The following LY6G6D variants were observed in gnomAD, a reference collection of about 807,000 sequenced individuals.
LY6G6D encodes the protein lymphocyte antigen 6 complex locus protein G6d.
A neutral mutation model predicts 8.5 loss-of-function variants in LY6G6D; 5 were observed. The ratio of observed to expected loss-of-function variants is 0.59; its 90% CI spans 0.31 to 1.24. The LOEUF (loss-of-function observed/expected upper bound fraction) is 1.24. Among genes scored for constraint, LY6G6D ranks in the 50% most tolerant of loss-of-function variants. LY6G6D has a pLI of 0.07. For missense variants in LY6G6D, 154 were observed against 170.4 expected (o/e 0.90, Z 0.53); for synonymous variants, 65 against 69.6 (o/e 0.93, Z 0.33).
chr6:31,715,491 T>C lies in LY6G6D; in HGVS notation c.56-11T>C. 1 of 1,611,488 alleles carries C rather than the reference T, an allele frequency of 6.2e-7. No individual in the cohort carries two copies. The highest frequency in any genetic ancestry group is 1.1e-5 in the South Asian group (1 of 91,052). On this transcript the variant is annotated splice_polypyrimidine_tract_variant and intron_variant, in intron 1 of 2. Transcript: ENST00000375825. ...GAGGGCCCAGGTCCAGCGCCTCTTT[T>C]CTCCTGCCAGGAAACCGAATGCGGT...
In LY6G6D at chr6:31,715,366, A is replaced by G. The variant is rs922728241; in HGVS notation, c.11A>G (p.Gln4Arg). MKP[Q>R]FVGILLSSLL... is the part of the protein sequence containing the mutation. ...CACGGGCAGACTGCGATGAAACCCC[A>G]GTTTGTTGGGATCTTGCTCAGCTCC... Residue 4 changes from glutamine to arginine, a missense_variant, in exon 1 of 3, where the codon CAG becomes CGG. Transcript: ENST00000375825. 6.2e-7 allele frequency: 1 copy of G among 1,600,560 alleles called. No individual in the cohort carries two copies. The highest frequency in any genetic ancestry group is 1.7e-5 in the Admixed American group (1 of 58,948).
rs769646744 is a variant in LY6G6D, at chr6:31,715,625, G to A, written c.178+1G>A. ...GAACAGATCAAGCTACCTGGAAACC[G>A]TGAGTCCTCAGTTTCTCCCTCTTCC... On this transcript the variant is annotated splice_donor_variant, in intron 2 of 2. Coordinates refer to ENST00000375825, the MANE Select transcript of LY6G6D (RefSeq NM_021246.4). LOFTEE classifies it high-confidence loss of function. 3 of 1,612,118 alleles carry A rather than the reference G, an allele frequency of 1.9e-6. No individual in the cohort carries two copies. The highest frequency in any genetic ancestry group is 3.3e-5 in the Admixed American group (2 of 60,014).
intron 2 of LY6G6D, 30 bp downstream of exon 2, chr6:31,715,654 A>G: frequency 6.2e-7 from 1 of 1,606,894 alleles, no homozygotes; most frequent in Non-Finnish European, 8.5e-7. Context: ...CTCTTCCAGC[A>G]GCCTTTCCCT....
rs777717016 is a variant in LY6G6D at position 31,716,428 on chromosome 6, AAAAC to A, written c.178+826_178+829del. Among the ~76,000 whole-genome samples, 31 of 152,082 alleles carry A rather than the reference AAAAC, an allele frequency of 2.0e-4. No individual in the cohort carries two copies. In the East Asian group the frequency reaches 2.5e-3, roughly 12 times the overall value. On this transcript the variant is annotated intron_variant, in intron 2 of 2. Coordinates refer to ENST00000375825, the MANE Select transcript of LY6G6D (RefSeq NM_021246.4). This position sits in a 1 kb window ranked among gnomAD's most constrained non-coding sequence, Gnocchi z 5.1. ...ACATAGGGAGACCCTGTCTCTACAAAAAACAAACAAACAAACAAACAAACAGATT... is the reference window on the plus strand; with the variant it reads ...ACATAGGGAGACCCTGTCTCTACAAAAAACAAACAAACAAACAAACAGATT...
rs187312719 is a variant in LY6G6D at position 31,717,080 on chromosome 6, G to A, written c.179-501G>A. On this transcript the variant is annotated intron_variant, in intron 2 of 2. Coordinates refer to ENST00000375825, the MANE Select transcript of LY6G6D (RefSeq NM_021246.4). The surrounding 1 kb of genome is among the most constrained non-coding windows in gnomAD (Gnocchi z 5.0). The stretch of plus-strand genomic sequence containing the variant: ...AGCCTGATCAATGTGGAGAAATCTC[G>A]TCTCTACTAAAAATACAAAATTAGC... Among the ~76,000 whole-genome samples, 53 of 152,082 alleles carry A rather than the reference G, an allele frequency of 3.5e-4. No individual in the cohort carries two copies. The highest frequency in any genetic ancestry group is 4.7e-4 in the Non-Finnish European group (32 of 67,990).
At position 31,715,546 on chromosome 6, in the gene LY6G6D, T is replaced by G. The variant is rs9267550; in HGVS notation, c.100T>G (p.Ser34Ala). The change falls in exon 2 of 3, where the codon TCT (serine) becomes GCT (alanine). Residue 34 changes from serine (S) to alanine (A), a missense_variant. Ser to Ala is a moderately conservative substitution (Grantham distance 99, BLOSUM62 1). Transcript: ENST00000375825. ...CAACTGTGGTGGAAGCCCCAGCAGT[T>G]CTTGCAAAGAGGCCGTGACCACCTG... Reference protein sequence around the residue: ...CYNCGGSPSSSCKEAVTTCGE... With the variant: ...CYNCGGSPSSACKEAVTTCGE... 6.2e-7 allele frequency: 1 copy of G among 1,612,998 alleles called. No individual in the cohort carries two copies. Among genetic ancestry groups the G allele is most frequent in the South Asian group, 1.1e-5 (1 of 91,082 alleles).
chr6:31,715,926 G>T (rs1363673963), intron 2 of LY6G6D, among the ~76,000 whole-genome samples: 3 of 150,388 alleles, frequency 2.0e-5, no homozygotes, highest in African/African-American at 4.9e-5. Context: ...TCAAATTTTC[G>T]GCATTAGTTA....
Position 31,717,406 on chromosome 6 carries a change from A to G in LY6G6D, c.179-175A>G, listed in dbSNP as rs1806508190. 2 of 1,516,158 alleles carry G rather than the reference A, an allele frequency of 1.3e-6. No individual in the cohort carries two copies. The highest frequency in any genetic ancestry group is 8.9e-7 in the Non-Finnish European group (1 of 1,121,446). 93.9% of individuals were successfully genotyped at this position (1,516,158 alleles called of 1,614,324 possible). On this transcript the variant is annotated intron_variant, in intron 2 of 2. Transcript: ENST00000375825. The surrounding 1 kb of genome is among the most constrained non-coding windows in gnomAD (Gnocchi z 5.0). Reference sequence around the variant, plus strand: ...AGTGATGTTGCATCCTTCTTGCTGCATCACATCAGGAGTTTACAAGGTCAA... The same window carrying G: ...AGTGATGTTGCATCCTTCTTGCTGCGTCACATCAGGAGTTTACAAGGTCAA...
chr6:31,717,638 A>C lies in LY6G6D; in HGVS notation c.236A>C (p.Gln79Pro), dbSNP rs747687942. The change falls in exon 3 of 3, where the codon CAA becomes CCA. Residue 79 changes from glutamine (Q) to proline (P), a missense_variant. Physicochemically the swap from Gln to Pro is moderately conservative, Grantham distance 76 (BLOSUM62 -1). Transcript: ENST00000375825. The surrounding 1 kb of genome is among the most constrained non-coding windows in gnomAD (Gnocchi z 5.0). Reference protein sequence around the residue: ...PACVAAHHCNQVETESVGDVT... With the variant: ...PACVAAHHCNPVETESVGDVT... The stretch of plus-strand genomic sequence containing the variant: ...TGCGTCGCAGCCCATCATTGCAATC[A>C]AGTGGAGACAGAGTCGGTGGGAGAC... 6.2e-7 allele frequency: 1 copy of C among 1,614,160 alleles called. No homozygotes were observed. Among genetic ancestry groups the C allele is most frequent in the Non-Finnish European group, 8.5e-7 (1 of 1,180,030 alleles).
At chr6:31,715,438 C>A (rs149949042) in intron 1 of LY6G6D, 28 bp downstream of exon 1, 9 of 1,605,906 alleles carry the variant, frequency 5.6e-6, no homozygotes, top group Non-Finnish European at 7.7e-6. Context: ...TAGCTTCTCA[C>A]ACAGGCCTTC....
Position 31,717,288 on chromosome 6 carries a change from A to G in LY6G6D, c.179-293A>G, listed in dbSNP as rs1806502503. ...AAATTACAGATACTTGAAATACTAA[A>G]AATTATTTTATAGAATGTCCCTCGA... On this transcript the variant is annotated intron_variant, in intron 2 of 2. Coordinates refer to ENST00000375825, the MANE Select transcript of LY6G6D (RefSeq NM_021246.4). This position sits in a 1 kb window ranked among gnomAD's most constrained non-coding sequence, Gnocchi z 5.0. 6.6e-6 allele frequency among the ~76,000 whole-genome samples: 1 copy of G among 152,180 alleles called. No homozygotes were observed. The highest frequency in any genetic ancestry group is 1.5e-5 in the Non-Finnish European group (1 of 68,028).
Position 31,715,551 on chromosome 6 carries a change from C to A in LY6G6D, c.105C>A (p.Cys35Ter). The change falls in exon 2 of 3, where the codon TGC becomes TGA. Residue 35 changes from cysteine to a stop codon, truncating the protein, a stop_gained. Transcript: ENST00000375825. LOFTEE classifies it high-confidence loss of function. ...YNCGGSPSSSCKEAVTTCGEG... is the reference protein window; with the variant it reads ...YNCGGSPSSS ...GTGGTGGAAGCCCCAGCAGTTCTTG[C>A]AAAGAGGCCGTGACCACCTGTGGCG... 1 of 1,613,066 alleles carries A rather than the reference C, an allele frequency of 6.2e-7. No individual in the cohort carries two copies. The highest frequency in any genetic ancestry group is 8.5e-7 in the Non-Finnish European group (1 of 1,180,026).
rs778524627 is a variant in LY6G6D at position 31,717,755 on chromosome 6, C to T, written c.353C>T (p.Ala118Val). Residue 118 changes from alanine (A) to valine (V), a missense_variant, in exon 3 of 3, where the codon GCA (alanine) becomes GTA (valine). Ala to Val is a moderately conservative substitution (Grantham distance 64, BLOSUM62 0). Coordinates refer to ENST00000375825, the MANE Select transcript of LY6G6D (RefSeq NM_021246.4). The surrounding 1 kb of genome is among the most constrained non-coding windows in gnomAD (Gnocchi z 5.0). ...SHVAPAGILA[A>V]AATALTCLLP... Reference sequence around the variant, plus strand: ...GTGGCCCCTGCAGGCATTTTGGCTGCAGCAGCTACCGCCCTGACCTGTCTC... The same window carrying T: ...GTGGCCCCTGCAGGCATTTTGGCTGTAGCAGCTACCGCCCTGACCTGTCTC... 2.0e-5 allele frequency: 32 copies of T among 1,613,926 alleles called. No individual in the cohort carries two copies. Among genetic ancestry groups the T allele is most frequent in the Non-Finnish European group, 2.7e-5 (32 of 1,180,042 alleles).
At position 31,717,804 on chromosome 6, in the gene LY6G6D, G is replaced by C. The variant is rs1202578160; in HGVS notation, c.402G>C (p.Ter134TyrextTer3). 6.2e-7 allele frequency: 1 copy of C among 1,608,356 alleles called. No individual in the cohort carries two copies. Among genetic ancestry groups the C allele is most frequent in the East Asian group, 2.2e-5 (1 of 44,830 alleles). The change falls in exon 3 of 3, where the codon TAG becomes TAC. Residue 134 changes from the stop codon to tyrosine, a stop_lost. Coordinates refer to ENST00000375825, the MANE Select transcript of LY6G6D (RefSeq NM_021246.4). This position sits in a 1 kb window ranked among gnomAD's most constrained non-coding sequence, Gnocchi z 5.0. Reference sequence around the variant, plus strand: ...TCTTGCCAGGACTGTGGAGCGGATAGGGGGAGTAGGAGTAGAGAAGGGAAC... The same window carrying C: ...TCTTGCCAGGACTGTGGAGCGGATACGGGGAGTAGGAGTAGAGAAGGGAAC... ...TCLLPGLWSG[*>Y]
In LY6G6D at chr6:31,716,378, C is replaced by T. The variant is rs1489311569; in HGVS notation, c.178+754C>T. On this transcript the variant is annotated intron_variant, in intron 2 of 2. Transcript: ENST00000375825. The surrounding 1 kb of genome is among the most constrained non-coding windows in gnomAD (Gnocchi z 5.1). ...GCCAAGGTGGGAGGACCACTTGAGC[C>T]CAAGAGTTGAGACCAGCCTGGGCAA... Among the ~76,000 whole-genome samples the T allele has an allele frequency of 4.0e-5, 6 of 151,590 alleles. No individual in the cohort carries two copies. The East Asian group carries it at 9.7e-4, about 25-fold the overall frequency.
chr6:31,715,760 G>A lies in LY6G6D; in HGVS notation c.178+136G>A, dbSNP rs370849373. On this transcript the variant is annotated intron_variant, in intron 2 of 2. Transcript: ENST00000375825. ...TGCAGCTGTTAGAGGAGAGCAGTCTGTACCCCTTCTGGCTCCTGGCACGGA... is the reference window on the plus strand; with the variant it reads ...TGCAGCTGTTAGAGGAGAGCAGTCTATACCCCTTCTGGCTCCTGGCACGGA... 1.6e-4 allele frequency: 218 copies of A among 1,338,558 alleles called. 3 individuals carry two copies. Among genetic ancestry groups the A allele is most frequent in the Middle Eastern group, 1.6e-3 (7 of 4,338 alleles). 82.9% of individuals were successfully genotyped at this position (1,338,558 alleles called of 1,614,324 possible).
Position 31,717,452 on chromosome 6 carries a change from G to A in LY6G6D, c.179-129G>A. 6.2e-7 allele frequency: 1 copy of A among 1,604,882 alleles called. No homozygotes were observed. Among genetic ancestry groups the A allele is most frequent in the Non-Finnish European group, 8.5e-7 (1 of 1,175,298 alleles). ...GTCAATGCATTAACTTTGATCACTT[G>A]GTTTCAGGGAGGTGTTTTTTGAGGG... On this transcript the variant is annotated intron_variant, in intron 2 of 2. Coordinates refer to ENST00000375825, the MANE Select transcript of LY6G6D (RefSeq NM_021246.4). This position sits in a 1 kb window ranked among gnomAD's most constrained non-coding sequence, Gnocchi z 5.0.
chr6:31,715,449 T>G (rs747616022), intron 1 of LY6G6D, 39 bp downstream of exon 1: 6 of 1,605,910 alleles, frequency 3.7e-6, no homozygotes, highest in Non-Finnish European at 5.1e-6. Flanking sequence ...ACAGGCCTTC[T>G]GCCAGCCGGC....
At chr6:31,715,756 G>A in intron 2 of LY6G6D, 132 bp downstream of exon 2, 1 of 1,356,120 alleles carries the variant, frequency 7.4e-7, no homozygotes, top group East Asian at 2.6e-5. Flanking sequence ...GAGGAGAGCA[G>A]TCTGTACCCC....
Sources: gnomAD v4.1 joint callset for allele counts (sites outside exome capture counted in the v4.1 genomes callset) on GRCh38, gnomAD v4.1.1 for gene constraint, Gnocchi (gnomAD v3.1) non-coding constraint, MANE v1.5 for transcripts, NCBI Gene and HGNC (gene_info 2026-07-23, HGNC 2026-07-21) for gene names.